Variants in EFCAB7 observed in about 807,000 individuals in gnomAD.
The protein encoded by EFCAB7 is EF-hand calcium binding domain 7, also known as EF-hand calcium-binding domain-containing protein 7.
In EFCAB7, 66 loss-of-function variants were observed where a neutral mutation model predicts 77.1. That is an observed-to-expected ratio of 0.86 (90% CI 0.70 to 1.05). The LOEUF (loss-of-function observed/expected upper bound fraction) is 1.05, where lower values mean the gene tolerates loss of function less well. Ranked by LOEUF, EFCAB7 falls within the 50% of genes least tolerant of loss-of-function variation. The probability of loss-of-function intolerance (pLI) is 0.00; values close to 1 mark genes in which losing one functional copy is unlikely to be tolerated. For synonymous variants in EFCAB7, 225 were observed against 243.3 expected, an observed-to-expected ratio of 0.92 and a Z score of 0.70; for missense variants, 638 against 730.5, an observed-to-expected ratio of 0.87 and a Z score of 1.46.
At chr1:63,579,313 C>A in the EFCAB7 span, among the ~76,000 whole-genome samples, 220 of 152,312 alleles carry the variant, frequency 1.4e-3, 1 homozygote, top group African/African-American at 5.2e-3. Flanking sequence ...TAAGTGGAAT[C>A]ATGCAGTATG....
chr1:63,554,967 AT>A (rs1647012795), intron 8 of EFCAB7: 1 of 145,506 alleles, frequency 6.9e-6, no homozygotes, highest in African/African-American at 2.4e-5. Flanking sequence ...CTAGAATATT[AT>A]TACTTTTTTT....
chr1:63,581,924 CCATT>C, the EFCAB7 span, among the ~76,000 whole-genome samples: 4 of 152,234 alleles, frequency 2.6e-5, no homozygotes, highest in Admixed American at 1.3e-4. Flanking sequence ...ACACATGGTG[CCATT>C]CATAGTCGAG....
chr1:63,538,734 A>G (rs1399064182), intron 6 of EFCAB7, among the ~76,000 whole-genome samples: 1 of 152,190 alleles, frequency 6.6e-6, no homozygotes, highest in East Asian at 1.9e-4. Context: ...TACAGGCGTG[A>G]GCCACCGCAC....
chr1:63,555,415 A>G lies in EFCAB7; in HGVS notation c.1114A>G (p.Thr372Ala). ...PGIYWLIPST[T>A]GCRLRKKIKP... ...AATTTACTGGTTAATTCCTTCCACA[A>G]CTGGCTGTAGGCTGAGGAAAAAAAT... The change falls in exon 9 of 14, where the codon ACT (threonine) becomes GCT (alanine). Residue 372 changes from threonine (T) to alanine (A), a missense_variant. Thr to Ala is a moderately conservative substitution (Grantham distance 58). Coordinates refer to ENST00000371088, the MANE Select transcript of EFCAB7 (RefSeq NM_032437.4). The G allele has an allele frequency of 3.1e-6, 5 of 1,614,006 alleles. No homozygotes were observed. The highest frequency in any genetic ancestry group is 4.2e-6 in the Non-Finnish European group (5 of 1,179,924).
the EFCAB7 span, among the ~76,000 whole-genome samples, chr1:63,578,688 G>A: frequency 6.6e-6 from 1 of 151,980 alleles, no homozygotes; most frequent in Non-Finnish European, 1.5e-5. Flanking sequence ...TGATCTGCCC[G>A]CCTCGGCCTC....
At chr1:63,582,478 C>T in the EFCAB7 span, among the ~76,000 whole-genome samples, 1 of 152,154 alleles carries the variant, frequency 6.6e-6, no homozygotes, top group African/African-American at 2.4e-5. Context: ...GCCCTTTTTG[C>T]AAAATACCTT....
At chr1:63,548,360 A>C (rs1489695050) in intron 7 of EFCAB7, 1 of 152,056 alleles carries the variant, frequency 6.6e-6, no homozygotes, top group African/African-American at 2.4e-5. Context: ...TGTGAGTTTT[A>C]TTCTCCATAT....
In EFCAB7 at chr1:63,571,006, ATCT is replaced by A; in HGVS notation, c.1708-13_1708-11del. 1.3e-6 allele frequency: 2 copies of A among 1,559,376 alleles called. No homozygotes were observed. The highest frequency in any genetic ancestry group is 1.8e-6 in the Non-Finnish European group (2 of 1,142,436). The stretch of plus-strand genomic sequence containing the variant: ...AAAGAAAGGAATAGCAGCTTATGAA[ATCT>A]TTTTTTAATAGTCAGATGAGAAAGT... On this transcript the variant is annotated splice_polypyrimidine_tract_variant and intron_variant, in intron 12 of 13. Transcript: ENST00000371088.
chr1:63,529,253 A>G (rs374822370), intron 2 of EFCAB7: 81 of 152,332 alleles, frequency 5.3e-4, no homozygotes, highest in African/African-American at 1.9e-3. Flanking sequence ...TTATAGGTAT[A>G]TGGAAGATGG....
At chr1:63,563,209 A>G (rs1213308695) in intron 11 of EFCAB7, among the ~76,000 whole-genome samples, 1 of 152,218 alleles carries the variant, frequency 6.6e-6, no homozygotes, top group East Asian at 1.9e-4. Flanking sequence ...TTGAAACTAT[A>G]AGCAAGAAGG....
intron 6 of EFCAB7, among the ~76,000 whole-genome samples, chr1:63,538,445 A>T (rs1299588259): frequency 2.7e-5 from 4 of 149,916 alleles, no homozygotes; most frequent in African/African-American, 9.8e-5. Context: ...TTGAAAGGGT[A>T]TTTTTTTTTC....
chr1:63,544,776 C>G (rs1646875849), intron 6 of EFCAB7, among the ~76,000 whole-genome samples: 1 of 152,076 alleles, frequency 6.6e-6, no homozygotes, highest in Non-Finnish European at 1.5e-5. Flanking sequence ...TTTGCTCTTA[C>G]ATTTAAAGTC....
At position 63,525,593 on chromosome 1, in the gene EFCAB7, C is replaced by A; in HGVS notation, c.21C>A (p.Ser7Arg). Residue 7 changes from serine (S) to arginine (R), a missense_variant, in exon 2 of 14, where the codon AGC becomes AGA. Transcript: ENST00000371088. MAISPRSDATFSSQKST... is the reference protein window; with the variant it reads MAISPRRDATFSSQKST... ...ATAGAATGGCGATCAGTCCACGAAG[C>A]GATGCAACTTTCTCCAGTCAGAAAT... The A allele has an allele frequency of 6.4e-7, 1 of 1,567,966 alleles. No homozygotes were observed.
At chr1:63,539,666 T>A (rs1646805150) in intron 6 of EFCAB7, among the ~76,000 whole-genome samples, 1 of 152,222 alleles carries the variant, frequency 6.6e-6, no homozygotes, top group Non-Finnish European at 1.5e-5. Context: ...AAGAGAAGTC[T>A]GGACTAGACT....
chr1:63,556,236 A>G (rs530190055), intron 9 of EFCAB7, among the ~76,000 whole-genome samples: 1 of 152,324 alleles, frequency 6.6e-6, no homozygotes, highest in South Asian at 2.1e-4. Flanking sequence ...AAAATTGCTA[A>G]GAGAATAGAT....
chr1:63,543,696 T>C (rs928298465), intron 6 of EFCAB7, among the ~76,000 whole-genome samples: 2 of 152,202 alleles, frequency 1.3e-5, no homozygotes, highest in Non-Finnish European at 2.9e-5. Context: ...AATAAATCTT[T>C]CTATAATGAA....
chr1:63,556,538 A>C (rs1298726570), intron 9 of EFCAB7, among the ~76,000 whole-genome samples: 1 of 152,170 alleles, frequency 6.6e-6, no homozygotes, highest in Non-Finnish European at 1.5e-5. Flanking sequence ...AGATTGGAGA[A>C]AGGAAAAAAG....
chr1:63,534,329 G>A, intron 6 of EFCAB7, 113 bp downstream of exon 6: 1 of 908,114 alleles, frequency 1.1e-6, no homozygotes, highest in Non-Finnish European at 1.6e-6. Flanking sequence ...AGTAATTTGA[G>A]GTTTTTCTGT....
chr1:63,556,613 CT>C (rs143724317), intron 9 of EFCAB7, among the ~76,000 whole-genome samples: 14,436 of 152,110 alleles, frequency 0.095, 902 homozygotes, highest in East Asian at 0.13. Flanking sequence ...GTTCTAGAAG[CT>C]TTTTTATCTC....
Sources: allele counts gnomAD v4.1 joint callset (sites outside exome capture counted in the v4.1 genomes callset), GRCh38; gene constraint gnomAD v4.1.1; transcripts MANE v1.5; gene names NCBI Gene and HGNC (gene_info 2026-07-23, HGNC 2026-07-21).